PRKCB: variants seen among roughly 807,000 people sequenced by gnomAD.
PRKCB encodes protein kinase C beta type.
In PRKCB, 13 loss-of-function variants were observed where a neutral mutation model predicts 81.5. The observed-to-expected ratio is 0.16, with a 90% CI of 0.10 to 0.25. The LOEUF (loss-of-function observed/expected upper bound fraction) is 0.25, where lower values mean the gene tolerates loss of function less well. PRKCB is among the 10% of genes least tolerant of loss of function. The pLI, the probability that PRKCB is intolerant of heterozygous loss-of-function variation, is 1.00. For synonymous variants in PRKCB, 335 were observed against 321.4 expected (o/e 1.04, Z -0.45); for missense variants, 509 against 875.7 (o/e 0.58, Z 5.29).
At chr16:24,071,720 T>A (rs1424146231) in intron 5 of PRKCB, among the ~76,000 whole-genome samples, 1 of 152,002 alleles carries the variant, frequency 6.6e-6, no homozygotes, top group Non-Finnish European at 1.5e-5. Flanking sequence ...TGTCTCCTCC[T>A]ATGGAGGCAG....
intron 2 of PRKCB, among the ~76,000 whole-genome samples, chr16:23,960,450 G>A (rs978290665): frequency 6.6e-6 from 1 of 151,752 alleles, no homozygotes; most frequent in Non-Finnish European, 1.5e-5. Context: ...GTCGTTTCAT[G>A]TCTGTGTCTT....
At chr16:23,972,833 T>C (rs891667449) in intron 2 of PRKCB, among the ~76,000 whole-genome samples, 2 of 152,224 alleles carry the variant, frequency 1.3e-5, no homozygotes, top group Admixed American at 1.3e-4. Context: ...AGGAAGACAG[T>C]AGTGAACAAA....
intron 9 of PRKCB, among the ~76,000 whole-genome samples, chr16:24,141,474 G>A (rs1315051140): frequency 6.6e-6 from 1 of 152,208 alleles, no homozygotes; most frequent in Non-Finnish European, 1.5e-5. Flanking sequence ...GGGATTACAG[G>A]CGTGAGCCAC....
At chr16:24,123,014 A>G (rs1966820208) in intron 8 of PRKCB, among the ~76,000 whole-genome samples, 1 of 152,212 alleles carries the variant, frequency 6.6e-6, no homozygotes, top group Admixed American at 6.5e-5. Context: ...TGTCAGGAAA[A>G]CCATGGAGAA....
chr16:23,872,904 G>A (rs1220736070), intron 2 of PRKCB, among the ~76,000 whole-genome samples: 2 of 151,842 alleles, frequency 1.3e-5, no homozygotes, highest in East Asian at 1.9e-4. Flanking sequence ...TTGGCCCGGC[G>A]TGGTGTCTCA....
chr16:24,110,159 GGAGGGAGAGGGAGAGGGA>G (rs1335128361), intron 7 of PRKCB, among the ~76,000 whole-genome samples: 2 of 118,454 alleles, frequency 1.7e-5, no homozygotes, highest in Non-Finnish European at 1.6e-5. Context: ...AGGAGGGAGA[GGAGGGAGAGGGAGAGGGA>G]GAGGGAGAGG....
chr16:24,143,400 G>A (rs1026181329), intron 9 of PRKCB, among the ~76,000 whole-genome samples: 16 of 152,006 alleles, frequency 1.1e-4, no homozygotes, highest in Admixed American at 5.2e-4. Context: ...CCAAGGTGCT[G>A]GGACTACAGG....
intron 2 of PRKCB, among the ~76,000 whole-genome samples, chr16:23,922,789 G>A (rs1429507203): frequency 6.6e-6 from 1 of 152,196 alleles, no homozygotes; most frequent in Admixed American, 6.5e-5. Flanking sequence ...CCTTACTGAG[G>A]GATCAGGAAA....
intron 2 of PRKCB, among the ~76,000 whole-genome samples, chr16:23,924,168 C>T (rs1231587505): frequency 2.4e-5 from 3 of 124,990 alleles, no homozygotes; most frequent in Non-Finnish European, 5.5e-5. Flanking sequence ...CTCACAAGAG[C>T]TGATGGTTTT....
At chr16:24,092,986 G>A in intron 6 of PRKCB, 39 bp downstream of exon 6, 1 of 1,591,572 alleles carries the variant, frequency 6.3e-7, no homozygotes, top group Non-Finnish European at 8.6e-7. Context: ...GGTGGTGGAG[G>A]TTGGGTTATG....
chr16:23,968,744 C>G lies in PRKCB; in HGVS notation c.206-19764C>G, dbSNP rs182573752. Among the ~76,000 whole-genome samples the G allele has an allele frequency of 5.0e-3, 762 of 152,242 alleles. 6 individuals carry two copies. The highest frequency in any genetic ancestry group is 0.018 in the African/African-American group (743 of 41,536). On this transcript the variant is annotated intron_variant, in intron 2 of 16. Transcript: ENST00000643927. ...AAGCAGCACGTAACTCTCAGCTTCC[C>G]TACCTTGAAAGTGGAGGAGAATGAG...
In PRKCB at chr16:24,215,821, C is replaced by T; in HGVS notation, c.*1005C>T. 1 of 985,588 alleles carries T rather than the reference C, an allele frequency of 1.0e-6. No individual in the cohort carries two copies. Among genetic ancestry groups the T allele is most frequent in the Non-Finnish European group, 1.2e-6 (1 of 829,902 alleles). The allele number at this position is 985,588 out of a possible 1,614,324, so 61.1% of individuals were successfully genotyped here. The stretch of plus-strand genomic sequence containing the variant: ...ATTTGTTACAAATCTAGGTTTGTTA[C>T]TGGCTTCAGAAAGCTAATTAAGTGC... On this transcript the variant is annotated 3_prime_UTR_variant, in exon 17 of 17. Coordinates refer to ENST00000643927, the MANE Select transcript of PRKCB (RefSeq NM_002738.7).
chr16:24,025,277 G>C (rs536874536), intron 3 of PRKCB, among the ~76,000 whole-genome samples: 1 of 152,316 alleles, frequency 6.6e-6, no homozygotes, highest in East Asian at 1.9e-4. Context: ...ATTGACCACT[G>C]TGTGCAATGC....
intron 5 of PRKCB, among the ~76,000 whole-genome samples, chr16:24,083,112 A>G (rs541118654): frequency 6.6e-6 from 1 of 152,324 alleles, no homozygotes; most frequent in Admixed American, 6.5e-5. Flanking sequence ...ACAGAAATGC[A>G]AATTAAAACC....
intron 4 of PRKCB, among the ~76,000 whole-genome samples, chr16:24,035,036 T>A (rs1965596145): frequency 6.6e-6 from 1 of 152,208 alleles, no homozygotes; most frequent in African/African-American, 2.4e-5. Flanking sequence ...TTTGCTCTGT[T>A]TCCCACTTGG....
intron 2 of PRKCB, among the ~76,000 whole-genome samples, chr16:23,974,582 C>T (rs1318181543): frequency 3.9e-5 from 6 of 152,294 alleles, no homozygotes; most frequent in Admixed American, 3.9e-4. Context: ...GCAGAGAACC[C>T]CTCGTCCTGG....
chr16:23,870,182 T>C (rs1263903067), intron 2 of PRKCB, among the ~76,000 whole-genome samples: 2 of 152,234 alleles, frequency 1.3e-5, no homozygotes, highest in Admixed American at 6.5e-5. Flanking sequence ...AAACTGATAC[T>C]TTCTCCTTTG....
intron 16 of PRKCB, among the ~76,000 whole-genome samples, chr16:24,196,785 T>C (rs1296446599): frequency 1.3e-5 from 2 of 152,196 alleles, no homozygotes; most frequent in African/African-American, 2.4e-5. Context: ...GCAGCAGGCC[T>C]GTGAGTTGAT....
At chr16:23,910,733 A>G (rs1006056586) in intron 2 of PRKCB, among the ~76,000 whole-genome samples, 4 of 152,190 alleles carry the variant, frequency 2.6e-5, no homozygotes, top group African/African-American at 9.7e-5. Flanking sequence ...AAACATATTT[A>G]TAATGTTGTA....
Sources: gnomAD v4.1 joint callset for allele counts (sites outside exome capture counted in the v4.1 genomes callset) on GRCh38, gnomAD v4.1.1 for gene constraint, MANE v1.5 for transcripts, NCBI Gene and HGNC (gene_info 2026-07-23, HGNC 2026-07-21) for gene names.